LRP1B: variants seen among roughly 807,000 people sequenced by gnomAD.
LRP1B encodes LDL receptor related protein 1B.
Under a neutral mutation model 556.6 loss-of-function variants are expected in LRP1B, and 217 were observed. The observed-to-expected ratio is 0.39, with a 90% CI of 0.35 to 0.44. LRP1B has a LOEUF of 0.44. Among genes scored for constraint, LRP1B ranks in the 20% least tolerant of loss-of-function variants. The pLI, the probability that LRP1B is intolerant of heterozygous loss-of-function variation, is 1.00. For missense variants in LRP1B, 5,053 were observed against 5,620.8 expected, an observed-to-expected ratio of 0.90 and a Z score of 3.23; for synonymous variants, 2,047 against 1,865.8, an observed-to-expected ratio of 1.10 and a Z score of -2.50.
chr2:140,994,082 T>A lies in LRP1B; in HGVS notation c.2557A>T (p.Lys853Ter). 6.2e-7 allele frequency: 1 copy of A among 1,612,812 alleles called. No homozygotes were observed. The highest frequency in any genetic ancestry group is 8.5e-7 in the Non-Finnish European group (1 of 1,179,182). The change falls in exon 16 of 91, where the codon AAA (lysine) becomes TAA (stop). Residue 853 changes from lysine (K) to a stop codon, truncating the protein, a stop_gained. Coordinates refer to ENST00000389484, the MANE Select transcript of LRP1B (RefSeq NM_018557.3). LOFTEE classifies it high-confidence loss of function. ...HICKAGEFRCKNRHCIQARWK... is the reference protein window; with the variant it reads ...HICKAGEFRC ...CGAGCTTGGATACAGTGTCTGTTTTTGCAGCGAAACTCTCCAGCTTTACAT... is the reference window on the plus strand; with the variant it reads ...CGAGCTTGGATACAGTGTCTGTTTTAGCAGCGAAACTCTCCAGCTTTACAT...
chr2:140,371,792 T>C (rs1019958626), intron 69 of LRP1B, among the ~76,000 whole-genome samples: 4 of 152,034 alleles, frequency 2.6e-5, no homozygotes, highest in African/African-American at 2.4e-5. Flanking sequence ...TTTGGTTGCA[T>C]TGACATAAAT....
At chr2:141,317,597 A>G (rs977220944) in intron 3 of LRP1B, among the ~76,000 whole-genome samples, 15 of 152,124 alleles carry the variant, frequency 9.9e-5, no homozygotes, top group Admixed American at 3.9e-4. Flanking sequence ...GTGTATACCT[A>G]TCTCCTTTGA....
chr2:140,554,884 G>A (rs7604294), intron 43 of LRP1B, among the ~76,000 whole-genome samples: 289 of 148,652 alleles, frequency 1.9e-3, no homozygotes, highest in African/African-American at 5.3e-3. Flanking sequence ...GTGTGTGTGT[G>A]TATATGTATA....
chr2:142,004,247 C>G (rs1012930245), intron 1 of LRP1B, among the ~76,000 whole-genome samples: 2 of 152,006 alleles, frequency 1.3e-5, no homozygotes, highest in South Asian at 4.1e-4. Context: ...CTGAGAAAAA[C>G]TACTAATCAA....
intron 1 of LRP1B, among the ~76,000 whole-genome samples, chr2:141,827,384 T>A (rs1271597163): frequency 8.5e-5 from 13 of 152,236 alleles, no homozygotes; most frequent in Admixed American, 8.5e-4. Context: ...TAAACCTTTA[T>A]GTTTTTTAAA....
intron 43 of LRP1B, among the ~76,000 whole-genome samples, chr2:140,577,887 T>C (rs923483905): frequency 1.3e-5 from 2 of 152,172 alleles, no homozygotes; most frequent in African/African-American, 4.8e-5. Flanking sequence ...GCTTAAAAAA[T>C]CTTAATGGAA....
chr2:141,060,380 T>A (rs576527256), intron 8 of LRP1B, among the ~76,000 whole-genome samples: 95 of 151,886 alleles, frequency 6.3e-4, no homozygotes, highest in Admixed American at 1.6e-3. Flanking sequence ...TGTATTTATG[T>A]GTGGGTCCAG....
chr2:140,464,193 T>A (rs1242434201), intron 60 of LRP1B, among the ~76,000 whole-genome samples: 1 of 151,392 alleles, frequency 6.6e-6, no homozygotes, highest in Non-Finnish European at 1.5e-5. Context: ...AAGACTTGTC[T>A]CAAATAATAA....
chr2:141,085,106 A>T (rs1016437116), intron 7 of LRP1B, among the ~76,000 whole-genome samples: 1 of 132,868 alleles, frequency 7.5e-6, no homozygotes, highest in African/African-American at 2.7e-5. Context: ...CCTAAGAGAG[A>T]AGGTAGGGAG....
At chr2:140,429,013 C>T (rs906431390) in intron 66 of LRP1B, among the ~76,000 whole-genome samples, 6 of 152,042 alleles carry the variant, frequency 3.9e-5, no homozygotes, top group Admixed American at 3.3e-4. Context: ...CCTCTTGTAT[C>T]CCCCCACCTT....
intron 1 of LRP1B, among the ~76,000 whole-genome samples, chr2:142,069,714 T>C (rs553855346): frequency 5.3e-5 from 8 of 151,766 alleles, no homozygotes; most frequent in Non-Finnish European, 1.0e-4. Context: ...CATGCGAACT[T>C]TTTTCTTTAA....
At chr2:141,049,972 T>C (rs1698987628) in intron 10 of LRP1B, among the ~76,000 whole-genome samples, 1 of 151,988 alleles carries the variant, frequency 6.6e-6, no homozygotes, top group African/African-American at 2.4e-5. Flanking sequence ...AATTCCTTAT[T>C]TTAGACTTCT....
intron 66 of LRP1B, among the ~76,000 whole-genome samples, chr2:140,400,967 G>T (rs1265550407): frequency 2.6e-5 from 4 of 152,160 alleles, no homozygotes; most frequent in Admixed American, 2.6e-4. Flanking sequence ...GTGCCTTGGC[G>T]GTATTTCCAG....
At chr2:140,282,873 T>C (rs1252044729) in intron 84 of LRP1B, among the ~76,000 whole-genome samples, 1 of 151,830 alleles carries the variant, frequency 6.6e-6, no homozygotes, top group Non-Finnish European at 1.5e-5. Context: ...AGGTGATCTA[T>C]TCATTATCAG....
chr2:140,573,411 A>G (rs1681404195), intron 43 of LRP1B, among the ~76,000 whole-genome samples: 1 of 151,952 alleles, frequency 6.6e-6, no homozygotes. Flanking sequence ...GACTCCCAAC[A>G]GACTATGCAG....
intron 66 of LRP1B, among the ~76,000 whole-genome samples, chr2:140,418,876 G>C (rs550203198): frequency 6.6e-6 from 1 of 152,064 alleles, no homozygotes; most frequent in Non-Finnish European, 1.5e-5. Context: ...CATGAAACTG[G>C]TCTCCGGTGC....
intron 7 of LRP1B, among the ~76,000 whole-genome samples, chr2:141,122,464 G>A (rs894483608): frequency 6.7e-6 from 1 of 148,316 alleles, no homozygotes; most frequent in East Asian, 1.9e-4. Context: ...CTTCTCAAAA[G>A]AAGACATTTA....
chr2:141,125,444 G>C (rs1701178346), intron 7 of LRP1B, among the ~76,000 whole-genome samples: 1 of 152,160 alleles, frequency 6.6e-6, no homozygotes, highest in Admixed American at 6.6e-5. Context: ...AAAGAATGCA[G>C]AGAAAGAAGA....
chr2:140,598,910 T>C (rs1682547995), intron 42 of LRP1B, 75 bp from the exon 43 acceptor site: 2 of 912,408 alleles, frequency 2.2e-6, no homozygotes, highest in African/African-American at 3.4e-5. Flanking sequence ...AACATGGCAA[T>C]ACCAAGCTAT....
Sources: gnomAD v4.1 joint callset for allele counts (sites outside exome capture counted in the v4.1 genomes callset) on GRCh38, gnomAD v4.1.1 for gene constraint, MANE v1.5 for transcripts, NCBI Gene and HGNC (gene_info 2026-07-23, HGNC 2026-07-21) for gene names.